The following TMEM132D variants were observed in gnomAD, a reference collection of about 807,000 sequenced individuals.
The protein encoded by TMEM132D is transmembrane protein 132D.
In TMEM132D, 21 loss-of-function variants were observed where a neutral mutation model predicts 62.3. That is an observed-to-expected ratio of 0.34 (90% CI 0.24 to 0.49). TMEM132D has a LOEUF of 0.49. Among genes scored for constraint, TMEM132D ranks in the 20% least tolerant of loss-of-function variants. The pLI is 0.99. For missense variants in TMEM132D, 1,346 were observed against 1,402.8 expected (o/e 0.96, Z 0.65); for synonymous variants, 621 against 575.6 (o/e 1.08, Z -1.13).
intron 1 of TMEM132D, among the ~76,000 whole-genome samples, chr12:129,803,024 C>A (rs1871849351): frequency 6.6e-6 from 1 of 150,766 alleles, no homozygotes; most frequent in Admixed American, 6.6e-5. Flanking sequence ...TACAGGAGCA[C>A]CCAGATTCAT....
rs187662374 is a variant in TMEM132D, at chr12:129,810,644, A to T, written c.79+92617T>A. ...CGGCCCCCAAAATACCAGTGCAAAG[A>T]TGTGCAAAAGAAATAAAAGTTAAAA... On this transcript the variant is annotated intron_variant, in intron 1 of 8. Coordinates refer to ENST00000422113, the MANE Select transcript of TMEM132D (RefSeq NM_133448.3). 4.9e-4 allele frequency among the ~76,000 whole-genome samples: 75 copies of T among 152,278 alleles called. 1 individual carries two copies. The highest frequency in any genetic ancestry group is 3.7e-3 in the Admixed American group (56 of 15,292).
At chr12:129,207,147 A>AC (rs940153730) in intron 5 of TMEM132D, among the ~76,000 whole-genome samples, 3 of 151,726 alleles carry the variant, frequency 2.0e-5, no homozygotes, top group Admixed American at 6.6e-5. Context: ...CAAACAAAAA[A>AC]CCCCCCACTA....
rs577848056 is a variant in TMEM132D at position 129,537,589 on chromosome 12, G to A, written c.969-6384C>T. ...TCTGTTTTCCCACTGCCCTTCTGGT[G>A]GGTAAAGTTAAATTTAGAAGTAAGA... On this transcript the variant is annotated intron_variant, in intron 2 of 8. Coordinates refer to ENST00000422113, the MANE Select transcript of TMEM132D (RefSeq NM_133448.3). Among the ~76,000 whole-genome samples, 2 of 148,256 alleles carry A rather than the reference G, an allele frequency of 1.3e-5. 1 individual carries two copies. Among genetic ancestry groups the A allele is most frequent in the African/African-American group, 5.3e-5 (2 of 37,562 alleles).
chr12:129,552,898 A>G (rs1876939751), intron 2 of TMEM132D, among the ~76,000 whole-genome samples: 1 of 152,088 alleles, frequency 6.6e-6, no homozygotes, highest in South Asian at 2.1e-4. Context: ...ATAGCTAGTG[A>G]CTCACTGTTC....
intron 2 of TMEM132D, among the ~76,000 whole-genome samples, chr12:129,601,143 C>T (rs1278133929): frequency 6.6e-6 from 1 of 152,204 alleles, no homozygotes; most frequent in African/African-American, 2.4e-5. Context: ...TCTGTCAGCA[C>T]CCTTGCTACT....
At chr12:129,491,244 C>T (rs942311897) in intron 3 of TMEM132D, among the ~76,000 whole-genome samples, 3 of 152,202 alleles carry the variant, frequency 2.0e-5, no homozygotes, top group African/African-American at 7.2e-5. Context: ...AGGGGAGGCT[C>T]TTCCTGCACT....
intron 1 of TMEM132D, among the ~76,000 whole-genome samples, chr12:129,804,579 A>G (rs922958366): frequency 1.4e-5 from 2 of 146,636 alleles, no homozygotes; most frequent in African/African-American, 2.5e-5. Flanking sequence ...CCCACAGCCA[A>G]TATCATACTG....
intron 3 of TMEM132D, among the ~76,000 whole-genome samples, chr12:129,394,989 C>T (rs1871383372): frequency 6.6e-6 from 1 of 152,160 alleles, no homozygotes; most frequent in Non-Finnish European, 1.5e-5. Context: ...GTAAATTATG[C>T]TTTGATAAAG....
intron 3 of TMEM132D, chr12:129,521,349 A>C (rs922147401): frequency 6.6e-6 from 1 of 152,222 alleles, no homozygotes; most frequent in African/African-American, 2.4e-5. Flanking sequence ...CGTCTTCAAA[A>C]TAGCAAGGTG....
intron 4 of TMEM132D, among the ~76,000 whole-genome samples, chr12:129,242,894 C>CATTAATCATTTA (rs1555240706): frequency 1.3e-4 from 19 of 151,870 alleles, no homozygotes; most frequent in Admixed American, 3.9e-4. Context: ...GTGAATAAAA[C>CATTAATCATTTA]AACAGGCTTG....
In TMEM132D at chr12:129,722,742, C is replaced by T. The variant is rs3046801; in HGVS notation, c.80-22044G>A. 4.0e-3 allele frequency among the ~76,000 whole-genome samples: 327 copies of T among 81,882 alleles called. 26 individuals are homozygous for T. Among genetic ancestry groups the T allele is most frequent in the Middle Eastern group, 8.2e-3 (1 of 122 alleles). 53.7% of individuals were successfully genotyped at this position (81,882 alleles called of 152,430 possible). A position where few individuals can be genotyped will look rare whatever the true frequency, so the allele number is the denominator to read the frequency against. ...AATCCTGGCTCCTTTTTCTTTTTTTCTTTTTTTTTTTTTTTGAGATGGGGT... is the reference window on the plus strand; with the variant it reads ...AATCCTGGCTCCTTTTTCTTTTTTTTTTTTTTTTTTTTTTTGAGATGGGGT... On this transcript the variant is annotated intron_variant, in intron 1 of 8. Coordinates refer to ENST00000422113, the MANE Select transcript of TMEM132D (RefSeq NM_133448.3).
At chr12:129,482,890 C>A (rs923609492) in intron 3 of TMEM132D, among the ~76,000 whole-genome samples, 1 of 151,552 alleles carries the variant, frequency 6.6e-6, no homozygotes, top group African/African-American at 2.4e-5. Flanking sequence ...CTCTTCCTAG[C>A]GTGCTCCTTT....
intron 3 of TMEM132D, among the ~76,000 whole-genome samples, chr12:129,504,871 C>T (rs1035009501): frequency 2.9e-4 from 44 of 152,162 alleles, no homozygotes; most frequent in Admixed American, 1.6e-3. Context: ...TTCCCCTTAG[C>T]ACTGCCTTTG....
chr12:129,477,032 G>T (rs971067178), intron 3 of TMEM132D, among the ~76,000 whole-genome samples: 2 of 152,066 alleles, frequency 1.3e-5, no homozygotes, highest in African/African-American at 4.8e-5. Context: ...ATCATTTTTG[G>T]TTTACGATCT....
At chr12:129,209,499 G>A in intron 5 of TMEM132D, 21 bp downstream of exon 5, 1 of 1,613,470 alleles carries the variant, frequency 6.2e-7, no homozygotes, top group Non-Finnish European at 8.5e-7. Context: ...TTTCTGCAGG[G>A]GCGGGGAGGT....
chr12:129,652,616 G>C (rs148950992), intron 2 of TMEM132D, among the ~76,000 whole-genome samples: 3 of 152,302 alleles, frequency 2.0e-5, no homozygotes, highest in East Asian at 3.9e-4. Flanking sequence ...ACAAGCCAGG[G>C]AATGCTTGCA....
At chr12:129,181,435 G>C (rs959755286) in intron 5 of TMEM132D, among the ~76,000 whole-genome samples, 1 of 152,182 alleles carries the variant, frequency 6.6e-6, no homozygotes. Context: ...TCCTCCAACA[G>C]CAGAGAGACT....
chr12:129,337,038 C>A (rs1043348337), intron 4 of TMEM132D, among the ~76,000 whole-genome samples: 3 of 152,190 alleles, frequency 2.0e-5, no homozygotes, highest in African/African-American at 4.8e-5. Flanking sequence ...ACTACAGTAA[C>A]CCAAACACCT....
intron 5 of TMEM132D, among the ~76,000 whole-genome samples, chr12:129,148,366 T>C (rs1248086168): frequency 6.6e-6 from 1 of 152,106 alleles, no homozygotes; most frequent in African/African-American, 2.4e-5. Context: ...GGTTTTAAAA[T>C]GGGGAGGTTA....
Sources: gnomAD v4.1 joint callset for allele counts (sites outside exome capture counted in the v4.1 genomes callset) on GRCh38, gnomAD v4.1.1 for gene constraint, MANE v1.5 for transcripts, NCBI Gene and HGNC (gene_info 2026-07-23, HGNC 2026-07-21) for gene names.